The following TNFSF4 variants were observed in gnomAD, a reference collection of about 807,000 sequenced individuals.
TNFSF4 encodes tumor necrosis factor ligand superfamily member 4.
Under a neutral mutation model 7.3 loss-of-function variants are expected in TNFSF4, and 4 were observed. That is an observed-to-expected ratio of 0.55 (90% CI 0.27 to 1.25). The LOEUF (loss-of-function observed/expected upper bound fraction) is 1.25. Among genes scored for constraint, TNFSF4 ranks in the 50% most tolerant of loss-of-function variants. TNFSF4 has a pLI of 0.12. For synonymous variants in TNFSF4, 76 were observed against 83.7 expected, an observed-to-expected ratio of 0.91 and a Z score of 0.50; for missense variants, 181 against 208.8, an observed-to-expected ratio of 0.87 and a Z score of 0.82.
At chr1:173,244,462 G>A in the TNFSF4 span, among the ~76,000 whole-genome samples, 1 of 151,578 alleles carries the variant, frequency 6.6e-6, no homozygotes, top group East Asian at 1.9e-4. Flanking sequence ...CTAAAACGGT[G>A]AAACCCCGTC....
chr1:173,354,267 T>C, the TNFSF4 span, among the ~76,000 whole-genome samples: 98,576 of 151,956 alleles, frequency 0.65, 32,006 homozygotes, highest in Admixed American at 0.69. Context: ...CCTGGACATA[T>C]AGACCTTCCC....
the TNFSF4 span, among the ~76,000 whole-genome samples, chr1:173,382,103 G>C: frequency 6.6e-6 from 1 of 152,148 alleles, no homozygotes; most frequent in South Asian, 2.1e-4. Flanking sequence ...TCTTGCTGCT[G>C]CTCACTCTTT....
downstream of TNFSF4, among the ~76,000 whole-genome samples, chr1:173,182,667 AAC>A (rs1649075605): frequency 6.6e-6 from 1 of 152,238 alleles, no homozygotes; most frequent in Non-Finnish European, 1.5e-5. Flanking sequence ...TATTACTAAT[AAC>A]ACAAGTGATT....
the TNFSF4 span, among the ~76,000 whole-genome samples, chr1:173,436,583 T>C: frequency 1.2e-4 from 18 of 152,138 alleles, no homozygotes; most frequent in African/African-American, 4.3e-4. Flanking sequence ...CTAATTTTTG[T>C]ATTTTTAGTA....
At chr1:173,434,289 A>C in the TNFSF4 span, among the ~76,000 whole-genome samples, 1 of 152,206 alleles carries the variant, frequency 6.6e-6, no homozygotes, top group Admixed American at 6.5e-5. Flanking sequence ...AGTGCATGTT[A>C]ACTGTTATTA....
chr1:173,180,398 A>G (rs1649034985), downstream of TNFSF4, among the ~76,000 whole-genome samples: 1 of 152,202 alleles, frequency 6.6e-6, no homozygotes, highest in Non-Finnish European at 1.5e-5. Context: ...CACACAATAC[A>G]TACAGTAGAA....
At chr1:173,288,678 AAAAT>A in the TNFSF4 span, among the ~76,000 whole-genome samples, 7 of 152,160 alleles carry the variant, frequency 4.6e-5, no homozygotes, top group Admixed American at 4.6e-4. Flanking sequence ...AACTAAGTTC[AAAAT>A]AAATAAAAAA....
the TNFSF4 span, among the ~76,000 whole-genome samples, chr1:173,346,260 G>C: frequency 6.6e-6 from 1 of 152,174 alleles, no homozygotes; most frequent in East Asian, 1.9e-4. Context: ...ATCCAGAAAA[G>C]AGACACAAGT....
At chr1:173,374,478 G>A in the TNFSF4 span, among the ~76,000 whole-genome samples, 3 of 152,060 alleles carry the variant, frequency 2.0e-5, no homozygotes, top group Admixed American at 2.0e-4. Context: ...TGAGGAACCT[G>A]CATGACTGTA....
chr1:173,295,077 G>A, the TNFSF4 span, among the ~76,000 whole-genome samples: 17 of 151,896 alleles, frequency 1.1e-4, no homozygotes, highest in Non-Finnish European at 2.5e-4. Flanking sequence ...CACTAGAATG[G>A]CTAGGATTTA....
chr1:173,328,291 G>A, the TNFSF4 span, among the ~76,000 whole-genome samples: 1 of 148,288 alleles, frequency 6.7e-6, no homozygotes, highest in African/African-American at 2.5e-5. Flanking sequence ...ACTCATAGGT[G>A]GGAATTGAAC....
chr1:173,318,096 T>G, the TNFSF4 span, among the ~76,000 whole-genome samples: 3 of 152,292 alleles, frequency 2.0e-5, no homozygotes, highest in South Asian at 6.2e-4. Flanking sequence ...TTTGTAAATA[T>G]GCACATTTCC....
chr1:173,281,092 A>G, the TNFSF4 span, among the ~76,000 whole-genome samples: 1 of 152,166 alleles, frequency 6.6e-6, no homozygotes, highest in African/African-American at 2.4e-5. Flanking sequence ...GTTGTGGTTC[A>G]TAAGCGTGAT....
intron 2 of TNFSF4, among the ~76,000 whole-genome samples, chr1:173,187,750 G>A (rs997833843): frequency 6.6e-6 from 1 of 152,206 alleles, no homozygotes; most frequent in Non-Finnish European, 1.5e-5. Context: ...CATCCCAAGT[G>A]CAAGCCAAAA....
the TNFSF4 span, among the ~76,000 whole-genome samples, chr1:173,409,373 T>C: frequency 6.6e-6 from 1 of 152,228 alleles, no homozygotes; most frequent in Non-Finnish European, 1.5e-5. Flanking sequence ...TAGTAATGTA[T>C]TAATGTTATT....
intron 1 of TNFSF4, among the ~76,000 whole-genome samples, chr1:173,203,819 C>T (rs554787460): frequency 6.6e-6 from 1 of 152,312 alleles, no homozygotes; most frequent in African/African-American, 2.4e-5. Flanking sequence ...TCAATGGTTT[C>T]AGTGAGGTTT....
At chr1:173,204,576 G>GA (rs1650093713) in intron 1 of TNFSF4, among the ~76,000 whole-genome samples, 2 of 152,050 alleles carry the variant, frequency 1.3e-5, no homozygotes. Context: ...AAATAAAAGG[G>GA]AAAATCACAA....
At chr1:173,302,525 A>T in the TNFSF4 span, among the ~76,000 whole-genome samples, 1 of 151,902 alleles carries the variant, frequency 6.6e-6, no homozygotes, top group Non-Finnish European at 1.5e-5. Flanking sequence ...AGAAAACCAA[A>T]GTTCAGACAA....
chr1:173,283,007 A>C, the TNFSF4 span, among the ~76,000 whole-genome samples: 1 of 152,194 alleles, frequency 6.6e-6, no homozygotes, highest in South Asian at 2.1e-4. Context: ...AGCATTTTTC[A>C]GCACCAATTC....
Sources: gnomAD v4.1 joint callset for allele counts (sites outside exome capture counted in the v4.1 genomes callset) on GRCh38, gnomAD v4.1.1 for gene constraint, MANE v1.5 for transcripts, NCBI Gene and HGNC (gene_info 2026-07-23, HGNC 2026-07-21) for gene names.